Variants in PRKCA observed in about 807,000 individuals in gnomAD.
The protein encoded by PRKCA is protein kinase C alpha, also known as protein kinase C alpha type.
PRKCA carries 27 observed loss-of-function variants against 87.0 expected under a neutral mutation model. The ratio of observed to expected loss-of-function variants is 0.31; its 90% CI spans 0.23 to 0.43. PRKCA has a LOEUF of 0.43. PRKCA is among the 20% of genes least tolerant of loss of function. The pLI is 1.00. For synonymous variants in PRKCA, 329 were observed against 311.1 expected, an observed-to-expected ratio of 1.06 and a Z score of -0.61; for missense variants, 518 against 852.3, an observed-to-expected ratio of 0.61 and a Z score of 4.88.
At chr17:66,488,254 G>A (rs747937399) in intron 2 of PRKCA, among the ~76,000 whole-genome samples, 7 of 152,308 alleles carry the variant, frequency 4.6e-5, no homozygotes, top group Admixed American at 6.5e-5. Context: ...CAATAAAAGC[G>A]TGTATGATAT....
intron 3 of PRKCA, among the ~76,000 whole-genome samples, chr17:66,584,496 G>T (rs1372376165): frequency 6.6e-6 from 1 of 152,162 alleles, no homozygotes; most frequent in Non-Finnish European, 1.5e-5. Context: ...AAAGTGCTGG[G>T]ATTACAGGCA....
chr17:66,522,198 C>T (rs1261390885), intron 3 of PRKCA, among the ~76,000 whole-genome samples: 1 of 152,212 alleles, frequency 6.6e-6, no homozygotes, highest in Non-Finnish European at 1.5e-5. Flanking sequence ...GAGGAACGTG[C>T]CCCTGGGGAG....
intron 5 of PRKCA, among the ~76,000 whole-genome samples, chr17:66,649,014 T>C (rs1366763802): frequency 1.3e-5 from 2 of 151,706 alleles, no homozygotes; most frequent in Non-Finnish European, 2.9e-5. Flanking sequence ...GGATAATCGG[T>C]TGAACCCAGG....
intron 16 of PRKCA, among the ~76,000 whole-genome samples, chr17:66,802,605 G>A (rs1411060676): frequency 1.3e-5 from 2 of 152,086 alleles, no homozygotes; most frequent in Non-Finnish European, 2.9e-5. Context: ...AGCACAGCCC[G>A]TGAGACTCAA....
At chr17:66,618,312 G>T (rs993181692) in intron 3 of PRKCA, among the ~76,000 whole-genome samples, 3 of 148,920 alleles carry the variant, frequency 2.0e-5, no homozygotes, top group African/African-American at 7.5e-5. Flanking sequence ...CTGAGATCGT[G>T]CCATTGCACT....
At chr17:66,740,380 G>A (rs1003366530) in intron 11 of PRKCA, among the ~76,000 whole-genome samples, 3 of 152,114 alleles carry the variant, frequency 2.0e-5, no homozygotes, top group South Asian at 2.1e-4. Flanking sequence ...AACAAAGGGC[G>A]AGTTTAGTTC....
chr17:66,395,083 G>A (rs1290999870), intron 2 of PRKCA, among the ~76,000 whole-genome samples: 1 of 152,108 alleles, frequency 6.6e-6, no homozygotes, highest in African/African-American at 2.4e-5. Flanking sequence ...TAAGGATATA[G>A]TTGCTAAGTA....
chr17:66,425,591 G>A (rs1338021521), intron 2 of PRKCA, among the ~76,000 whole-genome samples: 1 of 152,160 alleles, frequency 6.6e-6, no homozygotes, highest in Non-Finnish European at 1.5e-5. Flanking sequence ...TACCTGGTAG[G>A]AAGAGAAAAA....
At chr17:66,485,092 C>G (rs368046496) in intron 2 of PRKCA, among the ~76,000 whole-genome samples, 3 of 152,182 alleles carry the variant, frequency 2.0e-5, no homozygotes, top group African/African-American at 7.2e-5. Context: ...TAACTAAACT[C>G]TGAGCTCCTT....
At chr17:66,724,151 C>T (rs533240644) in intron 8 of PRKCA, among the ~76,000 whole-genome samples, 20 of 152,278 alleles carry the variant, frequency 1.3e-4, no homozygotes, top group Non-Finnish European at 2.4e-4. Context: ...AAGCCTCTAG[C>T]TGATGCTGCT....
chr17:66,686,206 C>T (rs1029345982), intron 5 of PRKCA, among the ~76,000 whole-genome samples: 4 of 152,202 alleles, frequency 2.6e-5, no homozygotes, highest in Non-Finnish European at 5.9e-5. Flanking sequence ...GGTTGTGAGC[C>T]TCTGCCAGCT....
chr17:66,389,438 C>T (rs575364707), intron 2 of PRKCA, among the ~76,000 whole-genome samples: 220 of 152,282 alleles, frequency 1.4e-3, no homozygotes, highest in Middle Eastern at 3.4e-3. Context: ...GGCTCTGCCT[C>T]AGTAGCCTCC....
chr17:66,720,026 G>A (rs972135611), intron 8 of PRKCA, among the ~76,000 whole-genome samples: 2 of 152,240 alleles, frequency 1.3e-5, no homozygotes, highest in Non-Finnish European at 2.9e-5. Flanking sequence ...AGGCACTGGA[G>A]CTGTGCCGGG....
intron 14 of PRKCA, among the ~76,000 whole-genome samples, chr17:66,776,395 C>T (rs1377990236): frequency 1.3e-5 from 2 of 152,152 alleles, no homozygotes; most frequent in Non-Finnish European, 2.9e-5. Context: ...ACTGCACCCT[C>T]CGCCTCCCAG....
chr17:66,742,772 A>G lies in PRKCA; in HGVS notation c.1524+12A>G, dbSNP rs748464913. ...ATATCGCCCCAGAGGTAGGAACCCC[A>G]GTGATCGTTTTCTCAACCAGGACTC... On this transcript the variant is annotated intron_variant, in intron 13 of 16. Coordinates refer to ENST00000413366, the MANE Select transcript of PRKCA (RefSeq NM_002737.3). 8.7e-6 allele frequency: 14 copies of G among 1,612,070 alleles called. No individual in the cohort carries two copies. In the East Asian group the frequency reaches 2.7e-4, roughly 31 times the overall value.
At chr17:66,717,746 A>G (rs1366157718) in intron 8 of PRKCA, among the ~76,000 whole-genome samples, 1 of 152,198 alleles carries the variant, frequency 6.6e-6, no homozygotes, top group Non-Finnish European at 1.5e-5. Context: ...TTAGCTCTCT[A>G]GACCTCAGCA....
intron 13 of PRKCA, among the ~76,000 whole-genome samples, chr17:66,764,291 GC>G (rs1308654452): frequency 6.6e-4 from 101 of 152,190 alleles, no homozygotes; most frequent in Admixed American, 1.9e-3. Context: ...CCGTCCTCAA[GC>G]TCTCCCAGGC....
chr17:66,755,030 A>T (rs970968997), intron 13 of PRKCA, among the ~76,000 whole-genome samples: 1 of 150,318 alleles, frequency 6.7e-6, no homozygotes, highest in African/African-American at 2.5e-5. Context: ...ACTCAATTAG[A>T]TAATGTTTTT....
intron 5 of PRKCA, among the ~76,000 whole-genome samples, chr17:66,653,035 A>AC (rs1384995228): frequency 6.6e-6 from 1 of 151,664 alleles, no homozygotes; most frequent in East Asian, 1.9e-4. Context: ...CCCCCGTTAA[A>AC]CAGGTGAGTC....
Sources: gnomAD v4.1 joint callset for allele counts (sites outside exome capture counted in the v4.1 genomes callset) on GRCh38, gnomAD v4.1.1 for gene constraint, MANE v1.5 for transcripts, NCBI Gene and HGNC (gene_info 2026-07-23, HGNC 2026-07-21) for gene names.